Variants in MRTFB observed in about 807,000 individuals in gnomAD.
MRTFB encodes the protein myocardin related transcription factor B.
Under a neutral mutation model 104.2 loss-of-function variants are expected in MRTFB, and 29 were observed. That is an observed-to-expected ratio of 0.28 (90% CI 0.21 to 0.38). The LOEUF is 0.38. Ranked by LOEUF, MRTFB falls within the 10% of genes least tolerant of loss-of-function variation. The pLI is 1.00. For synonymous variants in MRTFB, 535 were observed against 519.5 expected (o/e 1.03, Z -0.41); for missense variants, 1,270 against 1,341.6 (o/e 0.95, Z 0.83).
chr16:14,238,335 G>T (rs913332485), intron 9 of MRTFB, among the ~76,000 whole-genome samples: 1 of 152,112 alleles, frequency 6.6e-6, no homozygotes, highest in Admixed American at 6.5e-5. Context: ...CAAAGGGGGG[G>T]ACTGTGCAAG....
At chr16:14,237,872 T>G (rs368649975) in intron 9 of MRTFB, among the ~76,000 whole-genome samples, 21 of 152,204 alleles carry the variant, frequency 1.4e-4, no homozygotes, top group African/African-American at 5.1e-4. Flanking sequence ...GAAGAAAAGA[T>G]AGACAGTATT....
intron 2 of MRTFB, among the ~76,000 whole-genome samples, chr16:14,130,047 T>A (rs2037360184): frequency 6.6e-6 from 1 of 152,208 alleles, no homozygotes. Context: ...ACTAGGCTGG[T>A]CTTGCACTGC....
chr16:14,159,595 A>T (rs1319609213), intron 3 of MRTFB, among the ~76,000 whole-genome samples: 1 of 152,196 alleles, frequency 6.6e-6, no homozygotes, highest in Non-Finnish European at 1.5e-5. Context: ...TTATTACATG[A>T]TCTTTGTAAC....
intron 3 of MRTFB, among the ~76,000 whole-genome samples, chr16:14,154,424 T>C (rs1263631102): frequency 6.6e-6 from 1 of 152,248 alleles, no homozygotes; most frequent in African/African-American, 2.4e-5. Context: ...GGATTTCTCA[T>C]AGATAGCATA....
At chr16:14,064,869 G>C in the MRTFB span, among the ~76,000 whole-genome samples, 2 of 152,168 alleles carry the variant, frequency 1.3e-5, no homozygotes, top group Non-Finnish European at 2.9e-5. Context: ...TGGCCTTGTA[G>C]TATGGTTTGA....
At chr16:14,165,497 G>A (rs1170610890) in intron 3 of MRTFB, among the ~76,000 whole-genome samples, 1 of 152,142 alleles carries the variant, frequency 6.6e-6, no homozygotes, top group African/African-American at 2.4e-5. Context: ...CCTGGACTTT[G>A]CCTAGCCATG....
chr16:14,026,959 AAAG>A, the MRTFB span, among the ~76,000 whole-genome samples: 1 of 152,242 alleles, frequency 6.6e-6, no homozygotes, highest in Non-Finnish European at 1.5e-5. Flanking sequence ...ATGGGAATGT[AAAG>A]TAGTACAGAA....
chr16:14,166,332 AC>A (rs1352599332), intron 3 of MRTFB, among the ~76,000 whole-genome samples: 1 of 151,006 alleles, frequency 6.6e-6, no homozygotes, highest in Non-Finnish European at 1.5e-5. Context: ...TCTATAATTA[AC>A]CTTTTTTTAT....
chr16:14,248,845 C>T, intron 12 of MRTFB, 81 bp from the exon 13 acceptor site: 2 of 1,445,632 alleles, frequency 1.4e-6, no homozygotes, highest in Non-Finnish European at 9.5e-7. Flanking sequence ...CCCCAAGTGA[C>T]CAGTGATTCT....
intron 3 of MRTFB, among the ~76,000 whole-genome samples, chr16:14,176,322 G>A (rs376208475): frequency 1.3e-4 from 20 of 152,282 alleles, no homozygotes; most frequent in Middle Eastern, 3.4e-3. Context: ...GTTCCAGCTC[G>A]CAAAGATTAT....
the MRTFB span, among the ~76,000 whole-genome samples, chr16:14,053,383 C>T: frequency 1.3e-5 from 2 of 152,078 alleles, no homozygotes; most frequent in South Asian, 2.1e-4. Context: ...CTGCAATAAA[C>T]ATTGATGTAG....
chr16:14,145,741 T>C (rs533851745), intron 3 of MRTFB, among the ~76,000 whole-genome samples: 1 of 152,372 alleles, frequency 6.6e-6, no homozygotes, highest in South Asian at 2.1e-4. Context: ...TGAGCTTCAT[T>C]TTAACATTTT....
chr16:14,200,864 G>T (rs555301076), intron 3 of MRTFB: 19 of 1,455,330 alleles, frequency 1.3e-5, no homozygotes, highest in Non-Finnish European at 1.7e-5. Context: ...AACCTGTATG[G>T]TTACCTCAGG....
At position 14,247,770 on chromosome 16, in the gene MRTFB, T is replaced by C. The variant is rs117174428; in HGVS notation, c.2247+263T>C. On this transcript the variant is annotated intron_variant, in intron 12 of 16. Coordinates refer to ENST00000571589, the MANE Select transcript of MRTFB (RefSeq NM_001308142.2). ...CAGTATCATCCATGCAGACATTTTT[T>C]TACACACCAGTGACGTGATCATTGT... is the stretch of plus-strand genomic sequence containing the variant. 3,946 of 461,502 alleles carry C rather than the reference T, an allele frequency of 8.6e-3. 28 individuals are homozygous for C. Among genetic ancestry groups the C allele is most frequent in the Non-Finnish European group, 0.013 (3,313 of 258,398 alleles). The allele number at this position is 461,502 out of a possible 1,614,324, so 28.6% of individuals were successfully genotyped here. A position where few individuals can be genotyped will look rare whatever the true frequency, so the allele number is the denominator to read the frequency against.
chr16:14,187,795 A>G (rs1482988015), intron 3 of MRTFB, among the ~76,000 whole-genome samples: 2 of 152,238 alleles, frequency 1.3e-5, no homozygotes, highest in African/African-American at 2.4e-5. Context: ...TCTACAGAGA[A>G]TAAGTTTTCC....
chr16:14,086,602 T>TAGAAA (rs2034717853), intron 2 of MRTFB, among the ~76,000 whole-genome samples: 1 of 152,198 alleles, frequency 6.6e-6, no homozygotes, highest in Non-Finnish European at 1.5e-5. Flanking sequence ...TATAATCTTG[T>TAGAAA]ATTTGTTTTC....
chr16:14,125,843 T>C (rs927818702), intron 2 of MRTFB, among the ~76,000 whole-genome samples: 6 of 152,222 alleles, frequency 3.9e-5, no homozygotes, highest in African/African-American at 1.4e-4. Flanking sequence ...GATGTATTTA[T>C]AGGAAATAAT....
chr16:14,017,211 C>T, the MRTFB span, among the ~76,000 whole-genome samples: 131 of 152,066 alleles, frequency 8.6e-4, no homozygotes, highest in African/African-American at 2.8e-3. Flanking sequence ...CGCCCGCCAC[C>T]ACACCCGGCT....
At chr16:14,128,840 T>G (rs1483025880) in intron 2 of MRTFB, among the ~76,000 whole-genome samples, 1 of 152,258 alleles carries the variant, frequency 6.6e-6, no homozygotes, top group Non-Finnish European at 1.5e-5. Flanking sequence ...AAATTCACCA[T>G]TTTTGGCATA....
Sources: gnomAD v4.1 joint callset for allele counts (sites outside exome capture counted in the v4.1 genomes callset) on GRCh38, gnomAD v4.1.1 for gene constraint, MANE v1.5 for transcripts, NCBI Gene and HGNC (gene_info 2026-07-23, HGNC 2026-07-21) for gene names.